TSPAN9: variants seen among roughly 807,000 people sequenced by gnomAD.
TSPAN9 encodes the protein tetraspanin-9.
A neutral mutation model predicts 31.0 loss-of-function variants in TSPAN9; 16 were observed. The observed-to-expected ratio is 0.52, with a 90% CI of 0.35 to 0.78. The LOEUF (loss-of-function observed/expected upper bound fraction) is 0.78. TSPAN9 is among the 30% of genes least tolerant of loss of function. The pLI is 0.01. For missense variants in TSPAN9, 272 were observed against 312.5 expected, an observed-to-expected ratio of 0.87 and a Z score of 0.98; for synonymous variants, 145 against 121.6, an observed-to-expected ratio of 1.19 and a Z score of -1.27.
At chr12:3,250,745 T>C (rs1469401090) in intron 3 of TSPAN9, among the ~76,000 whole-genome samples, 2 of 152,246 alleles carry the variant, frequency 1.3e-5, no homozygotes, top group Non-Finnish European at 2.9e-5. Context: ...ACCAGAACCC[T>C]TTCCTGGTCC....
chr12:3,092,258 T>C (rs1016519064), intron 2 of TSPAN9, among the ~76,000 whole-genome samples: 8 of 152,180 alleles, frequency 5.3e-5, no homozygotes, highest in African/African-American at 1.9e-4. Flanking sequence ...CACCCCTCCG[T>C]TACTTGTTCT....
chr12:3,110,290 G>A (rs1174242191), intron 2 of TSPAN9, among the ~76,000 whole-genome samples: 1 of 152,116 alleles, frequency 6.6e-6, no homozygotes, highest in Admixed American at 6.5e-5. Flanking sequence ...GATCTCCCTG[G>A]TAGACTAGAA....
chr12:3,126,233 A>G (rs189522684), intron 2 of TSPAN9, among the ~76,000 whole-genome samples: 12 of 152,316 alleles, frequency 7.9e-5, no homozygotes, highest in Non-Finnish European at 1.5e-4. Flanking sequence ...CTATACAGTC[A>G]CGTGTTGCTT....
intron 3 of TSPAN9, among the ~76,000 whole-genome samples, chr12:3,226,780 A>ATT (rs1565622632): frequency 4.7e-4 from 1 of 2,116 alleles, no homozygotes; most frequent in African/African-American, 1.9e-3. Flanking sequence ...ATATATATAT[A>ATT]TATATATATA....
intron 3 of TSPAN9, among the ~76,000 whole-genome samples, chr12:3,203,133 C>T (rs997057018): frequency 2.6e-5 from 4 of 152,142 alleles, no homozygotes; most frequent in African/African-American, 7.2e-5. Context: ...CACTCAGCTG[C>T]GCTCACTCCT....
intron 2 of TSPAN9, among the ~76,000 whole-genome samples, chr12:3,130,759 C>T (rs776474138): frequency 1.3e-5 from 2 of 152,180 alleles, no homozygotes; most frequent in East Asian, 3.9e-4. Flanking sequence ...CACACACGGC[C>T]GTGCTCTAAA....
intron 3 of TSPAN9, among the ~76,000 whole-genome samples, chr12:3,222,255 C>T (rs1039688570): frequency 3.3e-5 from 5 of 152,184 alleles, no homozygotes; most frequent in African/African-American, 1.2e-4. Flanking sequence ...TGGAGGGGAT[C>T]CCCATTTCCT....
At chr12:3,204,901 T>C (rs2153973383) in intron 3 of TSPAN9, among the ~76,000 whole-genome samples, 1 of 152,304 alleles carries the variant, frequency 6.6e-6, no homozygotes, top group South Asian at 2.1e-4. Context: ...TGGGGCCATC[T>C]GGTAGAATAC....
intron 3 of TSPAN9, among the ~76,000 whole-genome samples, chr12:3,250,489 T>C (rs1241142684): frequency 6.6e-6 from 1 of 152,200 alleles, no homozygotes; most frequent in Non-Finnish European, 1.5e-5. Flanking sequence ...GTCTGGTGTA[T>C]TTCATGTGTG....
chr12:3,173,752 A>T (rs1234595409), intron 2 of TSPAN9: 3 of 151,954 alleles, frequency 2.0e-5, no homozygotes, highest in Non-Finnish European at 4.4e-5. Flanking sequence ...TCGGCCTCCC[A>T]AGTTGCTGGG....
chr12:3,146,310 G>A (rs917228144), intron 2 of TSPAN9, among the ~76,000 whole-genome samples: 1 of 152,210 alleles, frequency 6.6e-6, no homozygotes, highest in African/African-American at 2.4e-5. Context: ...GTGTCTCAAG[G>A]CCCTCGGGGA....
chr12:3,214,274 C>T (rs1008935274), intron 3 of TSPAN9, among the ~76,000 whole-genome samples: 2 of 152,198 alleles, frequency 1.3e-5, no homozygotes, highest in Non-Finnish European at 2.9e-5. Context: ...ATAGTAGCGT[C>T]GGTAGAGTGA....
In TSPAN9 at chr12:3,285,786, G is replaced by A. The variant is rs1863003312; in HGVS notation, c.*2670G>A. 1 of 152,218 alleles carries A rather than the reference G, an allele frequency of 6.6e-6. No homozygotes were observed. The highest frequency in any genetic ancestry group is 1.5e-5 in the Non-Finnish European group (1 of 68,050). The allele number at this position is 152,218 out of a possible 1,614,324, so 9.4% of individuals were successfully genotyped here. ...CACACTTGTCTCAGAAAGTCCCTCA[G>A]GGTTTGTAGAGGACTGCAGGGGGGC... is the stretch of plus-strand genomic sequence containing the variant. On this transcript the variant is annotated 3_prime_UTR_variant, in exon 9 of 9. Coordinates refer to ENST00000011898, the MANE Select transcript of TSPAN9 (RefSeq NM_006675.5).
At chr12:3,196,329 C>T (rs1407921548) in intron 2 of TSPAN9, among the ~76,000 whole-genome samples, 3 of 152,218 alleles carry the variant, frequency 2.0e-5, no homozygotes, top group Admixed American at 6.5e-5. Flanking sequence ...TCCAGGAGCA[C>T]TGCCCCTTCC....
chr12:3,236,856 A>G (rs530919201), intron 3 of TSPAN9, among the ~76,000 whole-genome samples: 100 of 152,274 alleles, frequency 6.6e-4, no homozygotes, highest in Non-Finnish European at 8.8e-4. Context: ...GCAGGCTCAG[A>G]TCCTGTCATC....
intron 3 of TSPAN9, among the ~76,000 whole-genome samples, chr12:3,218,131 G>A (rs919530983): frequency 3.3e-5 from 5 of 152,136 alleles, no homozygotes; most frequent in African/African-American, 9.7e-5. Context: ...GCATGCCTGC[G>A]TCCTGTGCTC....
At position 3,242,259 on chromosome 12, in the gene TSPAN9, G is replaced by A. The variant is rs185315691; in HGVS notation, c.64-36162G>A. On this transcript the variant is annotated intron_variant, in intron 3 of 8. Coordinates refer to ENST00000011898, the MANE Select transcript of TSPAN9 (RefSeq NM_006675.5). ...TGGGATGGGGTTGAGCTGCTTCAGGGCAAGGAGGCCCTTGCCAGCAGCCTG... is the reference window on the plus strand; with the variant it reads ...TGGGATGGGGTTGAGCTGCTTCAGGACAAGGAGGCCCTTGCCAGCAGCCTG... 3.2e-3 allele frequency among the ~76,000 whole-genome samples: 484 copies of A among 152,356 alleles called. 2 individuals are homozygous for A. The highest frequency in any genetic ancestry group is 0.011 in the African/African-American group (455 of 41,586).
At chr12:3,109,297 T>TGAGAGAGAGAGA (rs1392219043) in intron 2 of TSPAN9, among the ~76,000 whole-genome samples, 1 of 112,256 alleles carries the variant, frequency 8.9e-6, no homozygotes, top group Non-Finnish European at 1.8e-5. Context: ...TGTGTGTGTG[T>TGAGAGAGAGAGA]GTGAGAGAGA....
intron 2 of TSPAN9, among the ~76,000 whole-genome samples, chr12:3,132,908 C>T (rs2098330446): frequency 6.6e-6 from 1 of 152,114 alleles, no homozygotes; most frequent in South Asian, 2.1e-4. Flanking sequence ...CAGAGCTCCT[C>T]CCCGTCACCT....
Sources: allele counts gnomAD v4.1 joint callset (sites outside exome capture counted in the v4.1 genomes callset), GRCh38; gene constraint gnomAD v4.1.1; transcripts MANE v1.5; gene names NCBI Gene and HGNC (gene_info 2026-07-23, HGNC 2026-07-21).